Variants in MEF2A observed in about 807,000 individuals in gnomAD.
The protein encoded by MEF2A is myocyte-specific enhancer factor 2A.
In MEF2A, 28 loss-of-function variants were observed where a neutral mutation model predicts 55.8. That is an observed-to-expected ratio of 0.50 (90% CI 0.37 to 0.69). The LOEUF is 0.69. Among genes scored for constraint, MEF2A ranks in the 30% least tolerant of loss-of-function variants. MEF2A has a pLI of 0.00. For synonymous variants in MEF2A, 239 were observed against 227.1 expected, an observed-to-expected ratio of 1.05 and a Z score of -0.47; for missense variants, 528 against 626.2, an observed-to-expected ratio of 0.84 and a Z score of 1.67.
At chr15:99,621,545 G>C (rs1268652446) in intron 2 of MEF2A, among the ~76,000 whole-genome samples, 1 of 152,100 alleles carries the variant, frequency 6.6e-6, no homozygotes, top group Non-Finnish European at 1.5e-5. Context: ...AAGTGTTTCT[G>C]TTCCTTGGGG....
At chr15:99,685,915 T>C (rs562497015) in intron 7 of MEF2A, among the ~76,000 whole-genome samples, 1 of 152,344 alleles carries the variant, frequency 6.6e-6, no homozygotes, top group Non-Finnish European at 1.5e-5. Flanking sequence ...CTTGATAGAA[T>C]TCGGCTCTGA....
chr15:99,573,271 A>AT (rs1404464336), intron 1 of MEF2A, among the ~76,000 whole-genome samples: 3 of 144,450 alleles, frequency 2.1e-5, no homozygotes, highest in Middle Eastern at 3.4e-3. Flanking sequence ...CCTGGGCAAC[A>AT]GCGAGACTCC....
At chr15:99,666,239 A>G (rs2049665557) in intron 4 of MEF2A, among the ~76,000 whole-genome samples, 2 of 152,154 alleles carry the variant, frequency 1.3e-5, no homozygotes, top group Non-Finnish European at 2.9e-5. Flanking sequence ...CATATACACC[A>G]TGGAATACTA....
In MEF2A at chr15:99,584,633, G is replaced by C. The variant is rs144290633; in HGVS notation, c.-224-13797G>C. On this transcript the variant is annotated intron_variant, in intron 1 of 11. Transcript: ENST00000557942. The stretch of plus-strand genomic sequence containing the variant: ...TATGAAATTTCTGGAATAGGCAAAT[G>C]TATAGAGACAGAAAGTAGGTGTCCC... 3.4e-3 allele frequency among the ~76,000 whole-genome samples: 518 copies of C among 152,296 alleles called. 4 individuals are homozygous for C. The highest frequency in any genetic ancestry group is 0.012 in the African/African-American group (486 of 41,568).
intron 10 of MEF2A, among the ~76,000 whole-genome samples, chr15:99,707,064 C>T (rs142640170): frequency 3.3e-5 from 5 of 152,198 alleles, no homozygotes; most frequent in South Asian, 2.1e-4. Context: ...TAAGTTATTC[C>T]GGCTTCTCCA....
At chr15:99,634,879 TAAAAG>T (rs2043514241) in intron 3 of MEF2A, among the ~76,000 whole-genome samples, 1 of 152,138 alleles carries the variant, frequency 6.6e-6, no homozygotes, top group South Asian at 2.1e-4. Context: ...AGAAAAGACA[TAAAAG>T]AAATAATTGG....
At chr15:99,626,672 A>G (rs1308359520) in intron 2 of MEF2A, among the ~76,000 whole-genome samples, 1 of 152,214 alleles carries the variant, frequency 6.6e-6, no homozygotes, top group African/African-American at 2.4e-5. Context: ...TCCACATACA[A>G]TAAGAGAGAA....
intron 5 of MEF2A, 62 bp from the exon 6 acceptor site, chr15:99,674,331 A>G (rs1376667920): frequency 3.4e-6 from 5 of 1,469,846 alleles, no homozygotes; most frequent in Non-Finnish European, 4.6e-6. Flanking sequence ...TTAAAGTTCA[A>G]AAGTTACTTT....
rs751251460 is a variant in MEF2A at position 99,690,268 on chromosome 15, C to A, written c.698C>A (p.Ser233Tyr). The A allele has an allele frequency of 6.2e-7, 1 of 1,613,722 alleles. No homozygotes were observed. Among genetic ancestry groups the A allele is most frequent in the Non-Finnish European group, 8.5e-7 (1 of 1,179,790 alleles). The change falls in exon 8 of 12, where the codon TCT (serine) becomes TAT (tyrosine). Residue 233 changes from serine (S) to tyrosine (Y), a missense_variant. Physicochemically the swap from Ser to Tyr is moderately radical, Grantham distance 144. This residue lies in a region of MEF2A where 450 missense variants were observed against 475.3 expected (regional missense o/e 0.95). Transcript: ENST00000557942. ...VGNGFVNSRA[S>Y]PNLIGATGAN... ...AATGGATTTGTAAACTCAAGAGCTTCTCCAAATTTGATTGGAGCTACTGGT... is the reference window on the plus strand; with the variant it reads ...AATGGATTTGTAAACTCAAGAGCTTATCCAAATTTGATTGGAGCTACTGGT...
intron 8 of MEF2A, among the ~76,000 whole-genome samples, chr15:99,700,543 A>G (rs1304736012): frequency 3.9e-5 from 6 of 152,126 alleles, no homozygotes; most frequent in Admixed American, 3.9e-4. Flanking sequence ...TTGTGTGTAC[A>G]TATGAATTAG....
In MEF2A at chr15:99,712,579, C is replaced by A; in HGVS notation, c.1326C>A (p.Pro442=). ...AGCCCCAGCCACAACCCCCGCAGCCCCAGCCCCGACAGGAAATGGGGCGCT... is the reference window on the plus strand; with the variant it reads ...AGCCCCAGCCACAACCCCCGCAGCCACAGCCCCGACAGGAAATGGGGCGCT... ...PPQPQPQPPQ[P]QPRQEMGRSP... The change falls in exon 12 of 12, where the codon CCC becomes CCA. Residue 442 remains proline (P), a synonymous_variant. Coordinates refer to ENST00000557942, the MANE Select transcript of MEF2A (RefSeq NM_001319206.4). The surrounding 1 kb of genome is among the most constrained non-coding windows in gnomAD (Gnocchi z 4.1). The A allele has an allele frequency of 6.4e-7, 1 of 1,551,670 alleles. No individual in the cohort carries two copies. The highest frequency in any genetic ancestry group is 8.7e-7 in the Non-Finnish European group (1 of 1,146,980).
chr15:99,710,303 T>C (rs893070729), intron 10 of MEF2A, among the ~76,000 whole-genome samples: 6 of 152,180 alleles, frequency 3.9e-5, no homozygotes, highest in African/African-American at 1.4e-4. Flanking sequence ...AGTGCAGTGG[T>C]GCTACCTCGG....
chr15:99,699,980 GTGTGTA>G lies in MEF2A; in HGVS notation c.859-3380_859-3375del, dbSNP rs1225295695. ...TGTGTGTGTGTGTGTGTGTGTGTGT[GTGTGTA>G]TATATATATATATAATTTTTGTATT... On this transcript the variant is annotated intron_variant, in intron 8 of 11. Transcript: ENST00000557942. Among the ~76,000 whole-genome samples the G allele has an allele frequency of 9.6e-4, 95 of 99,048 alleles. 1 individual carries two copies. The highest frequency in any genetic ancestry group is 6.0e-3 in the East Asian group (17 of 2,842). 65.0% of individuals were successfully genotyped at this position (99,048 alleles called of 152,430 possible). A position where few individuals can be genotyped will look rare whatever the true frequency, so the allele number is the denominator to read the frequency against.
intron 3 of MEF2A, among the ~76,000 whole-genome samples, chr15:99,641,261 G>A (rs576256975): frequency 6.6e-6 from 1 of 152,278 alleles, no homozygotes; most frequent in Non-Finnish European, 1.5e-5. Flanking sequence ...TCTACCTGAT[G>A]TCTTCAACTC....
chr15:99,702,582 C>T (rs1367121787), intron 8 of MEF2A, among the ~76,000 whole-genome samples: 3 of 152,068 alleles, frequency 2.0e-5, no homozygotes, highest in South Asian at 4.2e-4. Context: ...CACCTGCCAC[C>T]GCACCTGGCT....
intron 1 of MEF2A, among the ~76,000 whole-genome samples, chr15:99,582,325 G>T (rs1246364233): frequency 6.6e-6 from 1 of 151,982 alleles, no homozygotes; most frequent in Non-Finnish European, 1.5e-5. Context: ...GGAAGATGGG[G>T]GTAAAGATTG....
chr15:99,575,977 C>T lies in MEF2A; in HGVS notation c.-225+9873C>T, dbSNP rs369524761. Among the ~76,000 whole-genome samples the T allele has an allele frequency of 1.2e-4, 18 of 152,334 alleles. No individual in the cohort carries two copies. The East Asian group carries it at 1.9e-3, about 16-fold the overall frequency. On this transcript the variant is annotated intron_variant, in intron 1 of 11. Transcript: ENST00000557942. ...ATTGGTTGTTTTAACATGCCCCCATCATTTGTTGAGCACTTTCTTGCATTC... is the reference window on the plus strand; with the variant it reads ...ATTGGTTGTTTTAACATGCCCCCATTATTTGTTGAGCACTTTCTTGCATTC...
intron 3 of MEF2A, 81 bp downstream of exon 3, chr15:99,633,254 C>A: frequency 1.1e-6 from 1 of 951,584 alleles, no homozygotes; most frequent in Non-Finnish European, 1.5e-6. Context: ...TTGGGTTTTT[C>A]TTAAACTTAA....
At chr15:99,697,372 A>G (rs1004491348) in intron 8 of MEF2A, among the ~76,000 whole-genome samples, 5 of 152,108 alleles carry the variant, frequency 3.3e-5, no homozygotes, top group African/African-American at 1.2e-4. Flanking sequence ...CCTCGGACCA[A>G]TCAGTGAGTT....
Sources: allele counts gnomAD v4.1 joint callset (sites outside exome capture counted in the v4.1 genomes callset), GRCh38; gene constraint gnomAD v4.1.1; regional missense constraint gnomAD v4.1.1; non-coding constraint Gnocchi (gnomAD v3.1); transcripts MANE v1.5; gene names NCBI Gene and HGNC (gene_info 2026-07-23, HGNC 2026-07-21).